The following CADM2 variants were observed in gnomAD, a reference collection of about 807,000 sequenced individuals.
CADM2 encodes cell adhesion molecule 2.
A neutral mutation model predicts 49.8 loss-of-function variants in CADM2; 12 were observed. The ratio of observed to expected loss-of-function variants is 0.24; its 90% CI spans 0.15 to 0.39. CADM2 has a LOEUF of 0.39. CADM2 is among the 10% of genes least tolerant of loss of function. The pLI, the probability that CADM2 is intolerant of heterozygous loss-of-function variation, is 1.00. For synonymous variants in CADM2, 214 were observed against 175.4 expected (o/e 1.22, Z -1.74); for missense variants, 378 against 492.3 (o/e 0.77, Z 2.20).
chr3:85,156,227 C>G (rs1179515548), intron 1 of CADM2, among the ~76,000 whole-genome samples: 1 of 151,552 alleles, frequency 6.6e-6, no homozygotes, highest in East Asian at 1.9e-4. Context: ...AGACCACTAG[C>G]AAGACTAATA....
At chr3:85,424,080 G>C (rs556738999) in intron 1 of CADM2, among the ~76,000 whole-genome samples, 1 of 152,096 alleles carries the variant, frequency 6.6e-6, no homozygotes, top group South Asian at 2.1e-4. Context: ...TATAGTTGAA[G>C]GTGTAAAATA....
intron 7 of CADM2, among the ~76,000 whole-genome samples, chr3:85,937,850 A>G (rs751694145): frequency 1.3e-4 from 20 of 152,012 alleles, no homozygotes; most frequent in Non-Finnish European, 2.4e-4. Context: ...TCTGGCAAAT[A>G]ACTCATGAGC....
chr3:85,264,319 T>C (rs2043075507), intron 1 of CADM2, among the ~76,000 whole-genome samples: 1 of 152,124 alleles, frequency 6.6e-6, no homozygotes, highest in Non-Finnish European at 1.5e-5. Flanking sequence ...GCAATGACTG[T>C]TGAAGGAACT....
chr3:85,409,307 A>G (rs559423488), intron 1 of CADM2, among the ~76,000 whole-genome samples: 24 of 152,282 alleles, frequency 1.6e-4, no homozygotes, highest in African/African-American at 5.5e-4. Context: ...TCATCTTCCA[A>G]AAGAAGAGTA....
Position 85,198,705 on chromosome 3 carries a change from T to G in CADM2, c.61+239037T>G, listed in dbSNP as rs530279903. Among the ~76,000 whole-genome samples the G allele has an allele frequency of 2.0e-5, 3 of 152,066 alleles. No individual in the cohort carries two copies. The South Asian group carries it at 6.2e-4, about 31-fold the overall frequency. On this transcript the variant is annotated intron_variant, in intron 1 of 9. Transcript: ENST00000383699. ...GTGCATACATATATTTAGCTAACAA[T>G]ATTAGGCATTAATCATTTCTGTAAT...
chr3:85,150,289 A>G (rs1236382759), intron 1 of CADM2, among the ~76,000 whole-genome samples: 3 of 152,326 alleles, frequency 2.0e-5, no homozygotes, highest in Admixed American at 1.3e-4. Context: ...AGAATAAAGG[A>G]CAGTCAGAGG....
intron 1 of CADM2, among the ~76,000 whole-genome samples, chr3:85,638,409 T>TATTGAAAAAATATTTTCAAAC (rs2064586682): frequency 1.3e-5 from 2 of 152,092 alleles, no homozygotes; most frequent in South Asian, 4.1e-4. Flanking sequence ...GCTGTGAAAA[T>TATTGAAAAAATATTTTCAAAC]ATTGAAAAAA....
chr3:85,217,103 TA>T (rs2041944740), intron 1 of CADM2, among the ~76,000 whole-genome samples: 1 of 151,820 alleles, frequency 6.6e-6, no homozygotes, highest in African/African-American at 2.4e-5. Context: ...TGATTGGTCA[TA>T]AAAAGTAAGA....
intron 6 of CADM2, among the ~76,000 whole-genome samples, chr3:85,923,277 A>C (rs1202968931): frequency 6.6e-6 from 1 of 152,174 alleles, no homozygotes; most frequent in Non-Finnish European, 1.5e-5. Flanking sequence ...TATGGTTGCA[A>C]AATATTGTGT....
intron 1 of CADM2, among the ~76,000 whole-genome samples, chr3:85,615,743 T>G (rs916425667): frequency 6.6e-6 from 1 of 151,780 alleles, no homozygotes; most frequent in African/African-American, 2.4e-5. Flanking sequence ...CCAATTCACA[T>G]GATGCTGCCC....
intron 2 of CADM2, among the ~76,000 whole-genome samples, chr3:85,772,106 G>A (rs2070127159): frequency 6.6e-6 from 1 of 150,994 alleles, no homozygotes; most frequent in South Asian, 2.1e-4. Flanking sequence ...ATATCGTGGG[G>A]AGAAAATAAA....
chr3:85,960,458 G>A (rs563705415), intron 7 of CADM2, among the ~76,000 whole-genome samples: 71 of 151,964 alleles, frequency 4.7e-4, no homozygotes, highest in African/African-American at 1.3e-3. Context: ...TTAGAAAGCA[G>A]GAGGTACTAG....
intron 3 of CADM2, among the ~76,000 whole-genome samples, chr3:85,819,138 T>A (rs1405084431): frequency 6.6e-6 from 1 of 151,880 alleles, no homozygotes; most frequent in Admixed American, 6.6e-5. Context: ...GAACCTAGAG[T>A]CCGATGTTCA....
At chr3:85,967,403 C>A (rs1475336665) in intron 8 of CADM2, among the ~76,000 whole-genome samples, 2 of 151,542 alleles carry the variant, frequency 1.3e-5, no homozygotes, top group Non-Finnish European at 3.0e-5. Context: ...TTAGAGTTGT[C>A]AGTACTTGAC....
At chr3:84,992,402 G>A (rs1205684860) in intron 1 of CADM2, among the ~76,000 whole-genome samples, 3 of 140,148 alleles carry the variant, frequency 2.1e-5, no homozygotes, top group Non-Finnish European at 3.3e-5. Context: ...AAGCCGAGGC[G>A]GGCGGATCAC....
chr3:85,942,915 C>A (rs1722131431), intron 7 of CADM2, among the ~76,000 whole-genome samples: 1 of 152,104 alleles, frequency 6.6e-6, no homozygotes, highest in South Asian at 2.1e-4. Flanking sequence ...GCCACACCGA[C>A]TTCCACAATG....
At chr3:85,094,075 G>T (rs570332106) in intron 1 of CADM2, among the ~76,000 whole-genome samples, 6 of 152,176 alleles carry the variant, frequency 3.9e-5, no homozygotes, top group Admixed American at 1.3e-4. Context: ...TTTGAGGTCT[G>T]CCAAGTTTGT....
At chr3:85,321,855 A>G (rs2044620326) in intron 1 of CADM2, among the ~76,000 whole-genome samples, 1 of 152,198 alleles carries the variant, frequency 6.6e-6, no homozygotes, top group Admixed American at 6.5e-5. Flanking sequence ...GCATTTTTGG[A>G]TCAAATAATT....
At chr3:85,972,506 C>T (rs1050777100) in intron 8 of CADM2, among the ~76,000 whole-genome samples, 2 of 151,722 alleles carry the variant, frequency 1.3e-5, no homozygotes, top group African/African-American at 4.8e-5. Flanking sequence ...ATATGGATTC[C>T]AGACTAAATG....
Sources: gnomAD v4.1 joint callset for allele counts (sites outside exome capture counted in the v4.1 genomes callset) on GRCh38, gnomAD v4.1.1 for gene constraint, MANE v1.5 for transcripts, NCBI Gene and HGNC (gene_info 2026-07-23, HGNC 2026-07-21) for gene names.